ZNF536: variants seen among roughly 807,000 people sequenced by gnomAD.
The protein encoded by ZNF536 is zinc finger protein 536.
ZNF536 carries 13 observed loss-of-function variants against 84.5 expected under a neutral mutation model. The ratio of observed to expected loss-of-function variants is 0.15; its 90% CI spans 0.10 to 0.24. ZNF536 has a LOEUF of 0.24. ZNF536 is among the 10% of genes least tolerant of loss of function. ZNF536 has a pLI of 1.00. For missense variants in ZNF536, 1,536 were observed against 1,747.5 expected (o/e 0.88, Z 2.16); for synonymous variants, 811 against 742.5 (o/e 1.09, Z -1.50).
intron 1 of ZNF536, among the ~76,000 whole-genome samples, chr19:30,278,671 T>C (rs2045328360): frequency 6.6e-6 from 1 of 152,068 alleles, no homozygotes; most frequent in African/African-American, 2.4e-5. Context: ...CTCCTTACTC[T>C]TGGTGTTCTA....
Position 30,253,636 on chromosome 19 carries a change from T to C in ZNF536, c.-190+24963T>C, listed in dbSNP as rs1024630052. 2.6e-5 allele frequency among the ~76,000 whole-genome samples: 4 copies of C among 152,232 alleles called. No individual in the cohort carries two copies. In the South Asian group the frequency reaches 6.2e-4, roughly 24 times the overall value. ...TGTGTCATTCAGAATCTGTGCCTGCTTCCCCACCCATGGGCTGTATCTGTG... is the reference window on the plus strand; with the variant it reads ...TGTGTCATTCAGAATCTGTGCCTGCCTCCCCACCCATGGGCTGTATCTGTG... On this transcript the variant is annotated intron_variant, in intron 1 of 5. Transcript: ENST00000585628.
At chr19:30,277,233 A>G (rs1300249581) in intron 1 of ZNF536, among the ~76,000 whole-genome samples, 1 of 152,166 alleles carries the variant, frequency 6.6e-6, no homozygotes, top group Non-Finnish European at 1.5e-5. Flanking sequence ...TGATGTGCAC[A>G]TGGATTTGTT....
intron 2 of ZNF536, among the ~76,000 whole-genome samples, chr19:30,306,643 C>T (rs750083542): frequency 2.2e-4 from 33 of 152,076 alleles, no homozygotes; most frequent in Non-Finnish European, 3.4e-4. Flanking sequence ...AGAAAGAAGG[C>T]GAAAATGTTC....
intron 1 of ZNF536, among the ~76,000 whole-genome samples, chr19:30,236,529 C>CG (rs145207327): frequency 0.18 from 21,150 of 117,106 alleles, 2,853 homozygotes; most frequent in African/African-American, 0.36. Flanking sequence ...AAAGTTGGGG[C>CG]GGGGGGGGGG....
intron 2 of ZNF536, among the ~76,000 whole-genome samples, chr19:30,517,547 G>A (rs1008831968): frequency 1.3e-5 from 2 of 152,180 alleles, no homozygotes; most frequent in African/African-American, 4.8e-5. Context: ...GACCATGTGT[G>A]AGTGAAATGT....
chr19:30,473,319 A>G (rs1386047403), intron 2 of ZNF536, among the ~76,000 whole-genome samples: 3 of 152,106 alleles, frequency 2.0e-5, no homozygotes, highest in Non-Finnish European at 4.4e-5. Flanking sequence ...AGTTCCCCCT[A>G]GAAATTAGAT....
intron 1 of ZNF536, among the ~76,000 whole-genome samples, chr19:30,678,398 A>T (rs963274640): frequency 2.0e-5 from 3 of 152,128 alleles, no homozygotes; most frequent in African/African-American, 7.2e-5. Flanking sequence ...CCGAGTGCAG[A>T]GCCGATCCAG....
intron 1 of ZNF536, among the ~76,000 whole-genome samples, chr19:30,683,655 A>T (rs2147845085): frequency 6.6e-6 from 1 of 152,312 alleles, no homozygotes; most frequent in South Asian, 2.1e-4. Context: ...AGGGGAATGA[A>T]ATTGCTCACT....
chr19:30,262,798 T>C (rs2025296563), intron 1 of ZNF536, among the ~76,000 whole-genome samples: 1 of 152,150 alleles, frequency 6.6e-6, no homozygotes. Flanking sequence ...TGCCTCCTTG[T>C]TTGTGTCCCA....
chr19:30,394,678 A>C (rs536351997), intron 1 of ZNF536, among the ~76,000 whole-genome samples: 2 of 152,268 alleles, frequency 1.3e-5, no homozygotes, highest in East Asian at 3.9e-4. Flanking sequence ...TACAGTCTGG[A>C]AATTACACAT....
intron 1 of ZNF536, among the ~76,000 whole-genome samples, chr19:30,659,304 G>A (rs1438513699): frequency 2.0e-5 from 3 of 151,892 alleles, no homozygotes; most frequent in Admixed American, 1.3e-4. Context: ...AGGAGGAAAG[G>A]AGGGAGGTGG....
chr19:30,383,672 CTTCCTTTCTTCCTTCCTTTCT>C (rs1265345175), intron 1 of ZNF536, among the ~76,000 whole-genome samples: 942 of 23,772 alleles, frequency 0.04, 29 homozygotes, highest in South Asian at 0.068. Flanking sequence ...CTCTTTCTTT[CTTCCTTTCTTCCTTCCTTTCT>C]TTTCTTTCTC....
chr19:30,563,401 T>C (rs988748935), intron 1 of ZNF536, among the ~76,000 whole-genome samples: 14 of 152,316 alleles, frequency 9.2e-5, no homozygotes, highest in Admixed American at 3.3e-4. Flanking sequence ...TTTCTAGTGG[T>C]AAAAAGTATT....
chr19:30,525,011 G>A (rs1183776249), intron 2 of ZNF536, among the ~76,000 whole-genome samples: 13 of 152,074 alleles, frequency 8.5e-5, no homozygotes. Flanking sequence ...ATCTCTTTAT[G>A]CTTATGTGAA....
chr19:30,298,308 G>A (rs1374717874), intron 2 of ZNF536, among the ~76,000 whole-genome samples: 1 of 152,144 alleles, frequency 6.6e-6, no homozygotes, highest in African/African-American at 2.4e-5. Flanking sequence ...AAGACCCTTG[G>A]TTGCAACTGG....
chr19:30,336,644 G>A (rs1018701627), intron 2 of ZNF536, among the ~76,000 whole-genome samples: 1 of 152,100 alleles, frequency 6.6e-6, no homozygotes, highest in African/African-American at 2.4e-5. Context: ...AGGTGTGCAG[G>A]TAGGACCAGA....
At chr19:30,355,550 G>A (rs557982509) in intron 3 of ZNF536, among the ~76,000 whole-genome samples, 2 of 151,992 alleles carry the variant, frequency 1.3e-5, no homozygotes, top group African/African-American at 2.4e-5. Flanking sequence ...ACCGTGCCTC[G>A]CTAATTTTTG....
At chr19:30,578,724 G>A (rs982231011) in intron 1 of ZNF536, among the ~76,000 whole-genome samples, 4 of 152,232 alleles carry the variant, frequency 2.6e-5, no homozygotes, top group African/African-American at 9.6e-5. Context: ...ACTTTGCAGA[G>A]CAGGAAGGAC....
rs776358634 is a variant in ZNF536, at chr19:30,444,861, C to T, written c.1299C>T (p.Cys433=). 2 of 1,613,346 alleles carry T rather than the reference C, an allele frequency of 1.2e-6. No individual in the cohort carries two copies. The highest frequency in any genetic ancestry group is 8.5e-7 in the Non-Finnish European group (1 of 1,179,850). Residue 433 remains cysteine (C), a synonymous_variant, in exon 2 of 5, where the codon TGC becomes TGT. Transcript: ENST00000355537. ...HANLYSRYLS[C]LQSGFMTPDK... ...ACCTGTACTCCAGGTACCTCTCCTG[C>T]CTGCAGAGTGGCTTCATGACCCCGG...
Sources: gnomAD v4.1 joint callset for allele counts (sites outside exome capture counted in the v4.1 genomes callset) on GRCh38, gnomAD v4.1.1 for gene constraint, MANE v1.5 for transcripts, NCBI Gene and HGNC (gene_info 2026-07-23, HGNC 2026-07-21) for gene names.